ST6GALNAC5: variants seen among roughly 807,000 people sequenced by gnomAD.
ST6GALNAC5 encodes the protein alpha-N-acetylgalactosaminide alpha-2,6-sialyltransferase 5.
A neutral mutation model predicts 33.6 loss-of-function variants in ST6GALNAC5; 27 were observed. The ratio of observed to expected loss-of-function variants is 0.80; its 90% CI spans 0.59 to 1.11. ST6GALNAC5 has a LOEUF of 1.11. Among genes scored for constraint, ST6GALNAC5 ranks in the 50% least tolerant of loss-of-function variants. The pLI is 0.00. For synonymous variants in ST6GALNAC5, 194 were observed against 171.2 expected, an observed-to-expected ratio of 1.13 and a Z score of -1.04; for missense variants, 428 against 454.0, an observed-to-expected ratio of 0.94 and a Z score of 0.52.
chr1:76,905,276 T>C (rs1646854725), intron 2 of ST6GALNAC5, among the ~76,000 whole-genome samples: 1 of 152,136 alleles, frequency 6.6e-6, no homozygotes, highest in Non-Finnish European at 1.5e-5. Flanking sequence ...TACGGGGCTA[T>C]TATTTCCTGG....
At chr1:76,902,047 A>C (rs538741417) in intron 2 of ST6GALNAC5, among the ~76,000 whole-genome samples, 176 of 152,252 alleles carry the variant, frequency 1.2e-3, no homozygotes, top group Non-Finnish European at 2.2e-3. Flanking sequence ...CATTGAGATC[A>C]TCTGATTCCC....
At chr1:76,992,630 G>A (rs1039468906) in intron 2 of ST6GALNAC5, among the ~76,000 whole-genome samples, 6 of 152,162 alleles carry the variant, frequency 3.9e-5, no homozygotes, top group African/African-American at 1.4e-4. Flanking sequence ...AGGTAACTGG[G>A]ACTATAGGTG....
intron 2 of ST6GALNAC5, among the ~76,000 whole-genome samples, chr1:77,030,425 G>T (rs1651409689): frequency 6.6e-6 from 1 of 152,196 alleles, no homozygotes. Flanking sequence ...TAACTGAGAT[G>T]CTAGTAATAG....
In ST6GALNAC5 at chr1:77,044,286, A is replaced by G; in HGVS notation, c.344A>G (p.Asp115Gly). ...LLHSRQGSQI[D>G]QTECVIRMND... ...CACAGTCGGCAAGGCTCCCAGATTG[A>G]CCAGACAGAGTGTGTCATCCGCATG... is the stretch of plus-strand genomic sequence containing the variant. The change falls in exon 3 of 5, where the codon GAC becomes GGC. Residue 115 changes from aspartate to glycine, a missense_variant. By Grantham distance (94) the Asp-to-Gly change is moderately conservative. Coordinates refer to ENST00000477717, the MANE Select transcript of ST6GALNAC5 (RefSeq NM_030965.3). 6.2e-7 allele frequency: 1 copy of G among 1,613,940 alleles called. No homozygotes were observed. The highest frequency in any genetic ancestry group is 8.5e-7 in the Non-Finnish European group (1 of 1,180,016).
At chr1:76,912,544 A>G (rs947421926) in intron 2 of ST6GALNAC5, among the ~76,000 whole-genome samples, 1 of 151,602 alleles carries the variant, frequency 6.6e-6, no homozygotes, top group African/African-American at 2.4e-5. Context: ...TCCCATTATT[A>G]TTGTGTGGGA....
At chr1:76,905,816 AG>A (rs749826163) in intron 2 of ST6GALNAC5, among the ~76,000 whole-genome samples, 20 of 152,176 alleles carry the variant, frequency 1.3e-4, no homozygotes, top group Admixed American at 7.2e-4. Flanking sequence ...GCACTGGGGT[AG>A]GTTTAGATTT....
At chr1:76,875,013 C>T (rs143792067) in intron 2 of ST6GALNAC5, among the ~76,000 whole-genome samples, 2 of 152,270 alleles carry the variant, frequency 1.3e-5, no homozygotes, top group African/African-American at 2.4e-5. Context: ...TGCTGATATG[C>T]AGTCAATACA....
At position 76,868,338 on chromosome 1, in the gene ST6GALNAC5, G is replaced by C. The variant is rs1486689448; in HGVS notation, c.16-159G>C. On this transcript the variant is annotated intron_variant, in intron 1 of 4. Coordinates refer to ENST00000477717, the MANE Select transcript of ST6GALNAC5 (RefSeq NM_030965.3). This position sits in a 1 kb window ranked among gnomAD's most constrained non-coding sequence, Gnocchi z 4.3. ...CATCCCTTGCGATACGCTAGGGGAC[G>C]GTGCTTTCTCTGTCCCAGTTGCGTG... is the stretch of plus-strand genomic sequence containing the variant. Among the ~76,000 whole-genome samples the C allele has an allele frequency of 2.0e-5, 3 of 152,020 alleles. No homozygotes were observed. The highest frequency in any genetic ancestry group is 7.2e-5 in the African/African-American group (3 of 41,392).
chr1:76,944,052 A>G (rs1647425879), intron 2 of ST6GALNAC5, among the ~76,000 whole-genome samples: 1 of 152,056 alleles, frequency 6.6e-6, no homozygotes, highest in Non-Finnish European at 1.5e-5. Context: ...GGCAAATCAA[A>G]AGAGGTAGGA....
intron 2 of ST6GALNAC5, among the ~76,000 whole-genome samples, chr1:76,930,744 G>A (rs1222130279): frequency 1.3e-5 from 2 of 152,118 alleles, no homozygotes; most frequent in Non-Finnish European, 2.9e-5. Context: ...TGGATCCATT[G>A]AAGAGCATTG....
chr1:76,893,423 G>C (rs1654054835), intron 2 of ST6GALNAC5, among the ~76,000 whole-genome samples: 1 of 152,124 alleles, frequency 6.6e-6, no homozygotes, highest in Non-Finnish European at 1.5e-5. Context: ...AACTGGATTT[G>C]AATCTTAGAT....
At chr1:76,975,459 T>C (rs1452952103) in intron 2 of ST6GALNAC5, among the ~76,000 whole-genome samples, 1 of 152,192 alleles carries the variant, frequency 6.6e-6, no homozygotes, top group Non-Finnish European at 1.5e-5. Context: ...AGGGTGAGAA[T>C]GTTTAGTGAA....
chr1:76,982,373 G>A (rs1403769726), intron 2 of ST6GALNAC5, among the ~76,000 whole-genome samples: 1 of 152,222 alleles, frequency 6.6e-6, no homozygotes, highest in East Asian at 1.9e-4. Context: ...GCATGCACAA[G>A]CTTCAATAGC....
chr1:77,026,748 C>A (rs1235535035), intron 2 of ST6GALNAC5, among the ~76,000 whole-genome samples: 2 of 152,186 alleles, frequency 1.3e-5, no homozygotes, highest in Non-Finnish European at 2.9e-5. Context: ...CCTTAGCTTG[C>A]AGAATGGTGC....
Position 76,867,583 on chromosome 1 carries a change from G to A in ST6GALNAC5, c.-93G>A, listed in dbSNP as rs999512361. ...CGGCTGCTGGGCAAAAATCAGAGCC[G>A]CCTCCGCCCCATTACCCATCATGGA... On this transcript the variant is annotated 5_prime_UTR_variant, in exon 1 of 5. Coordinates refer to ENST00000477717, the MANE Select transcript of ST6GALNAC5 (RefSeq NM_030965.3). 7 of 1,602,286 alleles carry A rather than the reference G, an allele frequency of 4.4e-6. No individual in the cohort carries two copies. The highest frequency in any genetic ancestry group is 1.7e-4 in the Middle Eastern group (1 of 5,856).
chr1:76,971,757 G>T (rs909515440), intron 2 of ST6GALNAC5, among the ~76,000 whole-genome samples: 1 of 152,070 alleles, frequency 6.6e-6, no homozygotes, highest in Non-Finnish European at 1.5e-5. Flanking sequence ...GTGAAAAAAA[G>T]GATAGTTCTA....
At chr1:77,062,885 T>A in intron 4 of ST6GALNAC5, 90 bp from the exon 5 acceptor site, 1 of 862,108 alleles carries the variant, frequency 1.2e-6, no homozygotes. Context: ...ACAATTTTTA[T>A]CAGCTTATTA....
chr1:76,975,168 G>A (rs1400486941), intron 2 of ST6GALNAC5, among the ~76,000 whole-genome samples: 2 of 152,038 alleles, frequency 1.3e-5, no homozygotes, highest in African/African-American at 4.8e-5. Flanking sequence ...TTTCTTATGA[G>A]GATACTTCTA....
chr1:77,057,118 A>G (rs1652427900), intron 4 of ST6GALNAC5, among the ~76,000 whole-genome samples: 1 of 152,160 alleles, frequency 6.6e-6, no homozygotes, highest in African/African-American at 2.4e-5. Context: ...CTGAGTACCT[A>G]CTATATGCCA....
Sources: allele counts gnomAD v4.1 joint callset (sites outside exome capture counted in the v4.1 genomes callset), GRCh38; gene constraint gnomAD v4.1.1; non-coding constraint Gnocchi (gnomAD v3.1); transcripts MANE v1.5; gene names NCBI Gene and HGNC (gene_info 2026-07-23, HGNC 2026-07-21).